Variants in BPTF observed in about 807,000 individuals in gnomAD.
BPTF encodes nucleosome-remodeling factor subunit BPTF.
A neutral mutation model predicts 292.5 loss-of-function variants in BPTF; 18 were observed. That is an observed-to-expected ratio of 0.06 (90% CI 0.04 to 0.09). The LOEUF is 0.09. BPTF is among the 10% of genes least tolerant of loss of function. The pLI is 1.00. For missense variants in BPTF, 2,726 were observed against 3,498.7 expected, an observed-to-expected ratio of 0.78 and a Z score of 5.57; for synonymous variants, 1,225 against 1,251.9, an observed-to-expected ratio of 0.98 and a Z score of 0.45.
rs543574039 is a variant in BPTF at position 67,847,674 on chromosome 17, CAA to C, written c.614-6250_614-6249del. Among the ~76,000 whole-genome samples, 454 of 52,926 alleles carry C rather than the reference CAA, an allele frequency of 8.6e-3. 1 individual carries two copies. Among genetic ancestry groups the C allele is most frequent in the African/African-American group, 0.03 (419 of 14,076 alleles). 34.7% of individuals were successfully genotyped at this position (52,926 alleles called of 152,430 possible). ...TGGGCGACAGAGCCAGACTCCGTCT[CAA>C]AAAAAAAAAAAAAAAGAAAAAAGAA... On this transcript the variant is annotated intron_variant, in intron 1 of 27. Transcript: ENST00000306378.
rs550221253 is a variant in BPTF, at chr17:67,926,197, A to G, written c.5751+1608A>G. ...TGATTTTTGTGTTTTTTGTAGAGAT[A>G]GGACTTTTGCCATATTGCCCAGGCT... On this transcript the variant is annotated intron_variant, in intron 15 of 27. Coordinates refer to ENST00000306378, the MANE Select transcript of BPTF (RefSeq NM_182641.4). 1.2e-4 allele frequency among the ~76,000 whole-genome samples: 18 copies of G among 150,922 alleles called. 1 individual carries two copies. The highest frequency in any genetic ancestry group is 1.2e-3 in the Admixed American group (18 of 15,104).
Position 67,934,016 on chromosome 17 carries a change from C to T in BPTF, c.6259+1997C>T, listed in dbSNP as rs115466722. Among the ~76,000 whole-genome samples, 656 of 151,292 alleles carry T rather than the reference C, an allele frequency of 4.3e-3. 8 individuals are homozygous for T. Among genetic ancestry groups the T allele is most frequent in the African/African-American group, 0.015 (630 of 41,186 alleles). On this transcript the variant is annotated intron_variant, in intron 18 of 27. Coordinates refer to ENST00000306378, the MANE Select transcript of BPTF (RefSeq NM_182641.4). Reference sequence around the variant, plus strand: ...CTGAGACCCTGCCATTGCACTCCAACGTGGGCAACAAGAGTGAAACTCCAT... The same window carrying T: ...CTGAGACCCTGCCATTGCACTCCAATGTGGGCAACAAGAGTGAAACTCCAT...
At chr17:67,929,079 A>G (rs1275140788) in intron 16 of BPTF, 5 of 1,290,048 alleles carry the variant, frequency 3.9e-6, no homozygotes, top group Non-Finnish European at 4.9e-6. Flanking sequence ...CTTCCTGCAA[A>G]CAGCAAGATT....
At chr17:67,977,018 A>G (rs1403188374) in intron 27 of BPTF, among the ~76,000 whole-genome samples, 1 of 152,202 alleles carries the variant, frequency 6.6e-6, no homozygotes, top group Non-Finnish European at 1.5e-5. Flanking sequence ...GACAATCTAT[A>G]AAACAAGAAT....
chr17:67,979,153 C>A (rs1173414141), intron 27 of BPTF, among the ~76,000 whole-genome samples: 5 of 68,782 alleles, frequency 7.3e-5, no homozygotes, highest in Admixed American at 7.1e-4. Context: ...CTGGAAGACA[C>A]AACAAGACCC....
rs148031124 is a variant in BPTF, at chr17:67,977,387, C to T, written c.8726+1429C>T. On this transcript the variant is annotated intron_variant, in intron 27 of 27. Coordinates refer to ENST00000306378, the MANE Select transcript of BPTF (RefSeq NM_182641.4). Reference sequence around the variant, plus strand: ...AAAATTAGGCAGGCATAATGGTGCACGCCTGTAGTCTCAGCTACACAGGAG... The same window carrying T: ...AAAATTAGGCAGGCATAATGGTGCATGCCTGTAGTCTCAGCTACACAGGAG... Among the ~76,000 whole-genome samples the T allele has an allele frequency of 1.7e-3, 252 of 152,038 alleles. 1 individual carries two copies. Among genetic ancestry groups the T allele is most frequent in the African/African-American group, 4.3e-3 (180 of 41,480 alleles).
At position 67,936,186 on chromosome 17, in the gene BPTF, A is replaced by G. The variant is rs369290675; in HGVS notation, c.6259+4167A>G. 3.5e-4 allele frequency among the ~76,000 whole-genome samples: 53 copies of G among 152,340 alleles called. 1 individual carries two copies. Among genetic ancestry groups the G allele is most frequent in the East Asian group, 3.3e-3 (17 of 5,190 alleles). On this transcript the variant is annotated intron_variant, in intron 18 of 27. Coordinates refer to ENST00000306378, the MANE Select transcript of BPTF (RefSeq NM_182641.4). ...TTACTAATTTAGCACCAATTCTAAT[A>G]TGAAATATAGCAGGGTTTTTTGTTG...
At chr17:67,920,349 A>G (rs1248321576) in intron 13 of BPTF, among the ~76,000 whole-genome samples, 1 of 152,238 alleles carries the variant, frequency 6.6e-6, no homozygotes, top group Non-Finnish European at 1.5e-5. Flanking sequence ...TGTTCTAAGC[A>G]CAGCAAAGGG....
chr17:67,979,169 C>CAAAAAAAAAAAAAAAAAAAAAA lies in BPTF; in HGVS notation c.8727-3062_8727-3061insAAAAAAAAAAAAAAAAAAAAAA, dbSNP rs11376410. 2.1e-4 allele frequency among the ~76,000 whole-genome samples: 15 copies of CAAAAAAAAAAAAAAAAAAAAAA among 72,558 alleles called. 2 individuals are homozygous for CAAAAAAAAAAAAAAAAAAAAAA. The highest frequency in any genetic ancestry group is 1.1e-3 in the African/African-American group (14 of 12,496). 47.6% of individuals were successfully genotyped at this position (72,558 alleles called of 152,430 possible). ...TGGAAGACACAACAAGACCCTGTCT[C>CAAAAAAAAAAAAAAAAAAAAAA]AAAAAAAAAAAAAAAAAAAAAGGCC... On this transcript the variant is annotated intron_variant, in intron 27 of 27. Transcript: ENST00000306378.
chr17:67,982,551 G>GAA lies in BPTF; in HGVS notation c.*271_*272dup. The GAA allele has an allele frequency of 3.1e-6, 1 of 325,524 alleles. No individual in the cohort carries two copies. 20.2% of individuals were successfully genotyped at this position (325,524 alleles called of 1,614,324 possible). On this transcript the variant is annotated 3_prime_UTR_variant, in exon 28 of 28. Coordinates refer to ENST00000306378, the MANE Select transcript of BPTF (RefSeq NM_182641.4). ...CAGAAGCGAGAAAACTTTGTTTATTGAAAAAAAAAGAAAAAGAAAGCAAGA... is the reference window on the plus strand; with the variant it reads ...CAGAAGCGAGAAAACTTTGTTTATTGAAAAAAAAAAAGAAAAAGAAAGCAAGA...
intron 26 of BPTF, among the ~76,000 whole-genome samples, chr17:67,971,195 C>T (rs557134103): frequency 1.3e-5 from 2 of 152,328 alleles, no homozygotes; most frequent in African/African-American, 4.8e-5. Flanking sequence ...TCTCCTGCCT[C>T]AGCCTTCTGA....
At chr17:67,876,679 G>A (rs568725397) in intron 4 of BPTF, among the ~76,000 whole-genome samples, 2 of 152,112 alleles carry the variant, frequency 1.3e-5, no homozygotes, top group Non-Finnish European at 2.9e-5. Context: ...GATATCATGC[G>A]CCTGTAATCC....
At chr17:67,976,685 CAAAAAAAA>C (rs1156404121) in intron 27 of BPTF, among the ~76,000 whole-genome samples, 6 of 24,842 alleles carry the variant, frequency 2.4e-4, no homozygotes, top group African/African-American at 4.1e-4. Context: ...GACCCTGTCT[CAAAAAAAA>C]AAAAAAAAAA....
At chr17:67,889,792 G>A (rs564133807) in intron 4 of BPTF, among the ~76,000 whole-genome samples, 31 of 152,202 alleles carry the variant, frequency 2.0e-4, no homozygotes, top group Admixed American at 2.0e-3. Context: ...TGGGCGACAA[G>A]AGCGAAACTC....
At chr17:67,895,367 A>T (rs1380072336) in intron 7 of BPTF, among the ~76,000 whole-genome samples, 2 of 148,582 alleles carry the variant, frequency 1.3e-5, no homozygotes, top group Admixed American at 6.7e-5. Flanking sequence ...GGAATGTAAT[A>T]TATGTTTTTG....
chr17:67,854,800 A>G lies in BPTF; in HGVS notation c.1436+38A>G. 6.9e-7 allele frequency: 1 copy of G among 1,458,260 alleles called. No homozygotes were observed. Among genetic ancestry groups the G allele is most frequent in the African/African-American group, 1.4e-5 (1 of 71,232 alleles). 90.3% of individuals were successfully genotyped at this position (1,458,260 alleles called of 1,614,324 possible). ...GGTCTTAATTTTTTGTATGCATTTA[A>G]AATTAGACTAGTTTCCTTCGTGATT... On this transcript the variant is annotated intron_variant, in intron 2 of 27. Transcript: ENST00000306378. This position sits in a 1 kb window ranked among gnomAD's most constrained non-coding sequence, Gnocchi z 5.6.
At chr17:67,914,909 C>T (rs954016097) in intron 11 of BPTF, among the ~76,000 whole-genome samples, 7 of 152,096 alleles carry the variant, frequency 4.6e-5, no homozygotes, top group Non-Finnish European at 7.4e-5. Context: ...TGTATGCTAA[C>T]GTCTTAATTT....
chr17:67,874,890 A>G lies in BPTF; in HGVS notation c.1734A>G (p.Lys578=), dbSNP rs2059962663. Residue 578 remains lysine, a synonymous_variant, in exon 4 of 28, where the codon AAA becomes AAG. Coordinates refer to ENST00000306378, the MANE Select transcript of BPTF (RefSeq NM_182641.4). ...TTAAAAGCCCAGAAGAAACAGAAAA[A>G]GACAAGAATGAGACTGAGAATGACT... ...DNVKSPEETE[K]DKNETENDSK... 6.2e-7 allele frequency: 1 copy of G among 1,613,788 alleles called. No individual in the cohort carries two copies. Among genetic ancestry groups the G allele is most frequent in the South Asian group, 1.1e-5 (1 of 91,048 alleles).
At chr17:67,915,786 C>T (rs1415063187) in intron 11 of BPTF, among the ~76,000 whole-genome samples, 1 of 152,168 alleles carries the variant, frequency 6.6e-6, no homozygotes, top group East Asian at 1.9e-4. Context: ...CTTACAGCTC[C>T]TTGAGAACAC....
Sources: gnomAD v4.1 joint callset for allele counts (sites outside exome capture counted in the v4.1 genomes callset) on GRCh38, gnomAD v4.1.1 for gene constraint, Gnocchi (gnomAD v3.1) non-coding constraint, MANE v1.5 for transcripts, NCBI Gene and HGNC (gene_info 2026-07-23, HGNC 2026-07-21) for gene names.